Variants in WDR17 observed in about 807,000 individuals in gnomAD.
WDR17 encodes WD repeat domain 17.
A neutral mutation model predicts 161.7 loss-of-function variants in WDR17; 143 were observed. The observed-to-expected ratio is 0.88, with a 90% confidence interval of 0.77 to 1.02. The LOEUF (loss-of-function observed/expected upper bound fraction) is 1.02, where lower values mean the gene tolerates loss of function less well. Ranked by LOEUF, WDR17 falls within the 50% of genes least tolerant of loss-of-function variation. The probability of loss-of-function intolerance (pLI) is 0.00; values close to 1 mark genes in which losing one functional copy is unlikely to be tolerated. For missense variants in WDR17, 1,469 were observed against 1,520.9 expected (o/e 0.97, Z 0.57); for synonymous variants, 517 against 515.6 (o/e 1.00, Z -0.04).
chr4:176,152,518 A>G (rs1347630605), intron 17 of WDR17, among the ~76,000 whole-genome samples: 1 of 141,128 alleles, frequency 7.1e-6, no homozygotes, highest in African/African-American at 2.6e-5. Context: ...AGGCAGGGGA[A>G]TTGCCTGAAC....
intron 22 of WDR17, among the ~76,000 whole-genome samples, chr4:176,163,596 T>C (rs749938463): frequency 1.3e-5 from 2 of 152,166 alleles, no homozygotes; most frequent in African/African-American, 4.8e-5. Flanking sequence ...AGAACACATA[T>C]TCCCACATGT....
Position 176,131,546 on chromosome 4 carries a change from A to G in WDR17, c.914-8A>G, listed in dbSNP as rs758713034. On this transcript the variant is annotated splice_region_variant and splice_polypyrimidine_tract_variant and intron_variant, in intron 6 of 28. Coordinates refer to ENST00000508596, the MANE Select transcript of WDR17 (RefSeq NM_181265.4). ...ATTCCAATAGGATTTTTTTTCTTCTATTTTTAGTTTCAGTCCAATCTCCAA... is the reference window on the plus strand; with the variant it reads ...ATTCCAATAGGATTTTTTTTCTTCTGTTTTTAGTTTCAGTCCAATCTCCAA... 1.0e-5 allele frequency: 16 copies of G among 1,583,998 alleles called. No individual in the cohort carries two copies. Among genetic ancestry groups the G allele is most frequent in the East Asian group, 2.3e-5 (1 of 44,034 alleles).
chr4:176,075,700 G>A (rs1733872792), intron 1 of WDR17, among the ~76,000 whole-genome samples: 1 of 152,038 alleles, frequency 6.6e-6, no homozygotes, highest in South Asian at 2.1e-4. Flanking sequence ...ATGATACTTT[G>A]GCAAATTATA....
chr4:176,124,292 AT>A (rs36014302), intron 4 of WDR17, among the ~76,000 whole-genome samples: 16 of 151,860 alleles, frequency 1.1e-4, no homozygotes, highest in African/African-American at 1.7e-4. Context: ...TCTCAGCAGA[AT>A]TTTTTTTTCC....
intron 20 of WDR17, among the ~76,000 whole-genome samples, chr4:176,161,274 T>C (rs1458440449): frequency 6.6e-6 from 1 of 152,134 alleles, no homozygotes; most frequent in Admixed American, 6.5e-5. Context: ...ACCTAAACAC[T>C]TAGAAACTAA....
At chr4:176,134,038 A>G (rs1165917963) in intron 7 of WDR17, among the ~76,000 whole-genome samples, 2 of 151,766 alleles carry the variant, frequency 1.3e-5, no homozygotes, top group Non-Finnish European at 1.5e-5. Flanking sequence ...TATGTTCCTA[A>G]CATTGGAAAT....
intron 1 of WDR17, among the ~76,000 whole-genome samples, chr4:176,106,500 A>C (rs1413636084): frequency 6.6e-6 from 1 of 152,170 alleles, no homozygotes; most frequent in East Asian, 1.9e-4. Context: ...ACTTAATGTT[A>C]AGACCAATAT....
intron 1 of WDR17, among the ~76,000 whole-genome samples, chr4:176,071,252 G>T (rs1349717479): frequency 2.0e-5 from 3 of 151,186 alleles, no homozygotes; most frequent in Non-Finnish European, 4.4e-5. Context: ...TAGTGTTCTC[G>T]CAATGGAATA....
At chr4:176,073,140 C>T (rs920116700) in intron 1 of WDR17, among the ~76,000 whole-genome samples, 3 of 151,836 alleles carry the variant, frequency 2.0e-5, no homozygotes, top group Non-Finnish European at 4.4e-5. Context: ...TTTTAGGGTA[C>T]ATGTGCACAA....
At chr4:176,076,198 G>T (rs1157565331) in intron 1 of WDR17, among the ~76,000 whole-genome samples, 1 of 73,764 alleles carries the variant, frequency 1.4e-5, no homozygotes, top group Non-Finnish European at 3.1e-5. Context: ...ATAGTTAACT[G>T]TATGTTTACA....
chr4:176,139,773 C>A, intron 9 of WDR17, 119 bp from the exon 10 acceptor site: 1 of 728,978 alleles, frequency 1.4e-6, no homozygotes. Context: ...AGTAATGCCT[C>A]TGTTAGTGTC....
chr4:176,118,833 C>A (rs1031156172), intron 3 of WDR17, among the ~76,000 whole-genome samples: 2 of 151,406 alleles, frequency 1.3e-5, no homozygotes, highest in Admixed American at 6.6e-5. Context: ...TGGTGGCGGG[C>A]GCCTGTAGTC....
chr4:176,160,854 A>G, intron 19 of WDR17, 57 bp from the exon 20 acceptor site: 1 of 1,378,304 alleles, frequency 7.3e-7, no homozygotes, highest in Non-Finnish European at 9.9e-7. Context: ...ATATTCTGAA[A>G]TGTGTCAATT....
intron 1 of WDR17, among the ~76,000 whole-genome samples, chr4:176,103,153 C>G (rs2126666283): frequency 6.6e-6 from 1 of 152,026 alleles, no homozygotes; most frequent in East Asian, 1.9e-4. Flanking sequence ...TCCATTAAAG[C>G]CTATGCAATT....
chr4:176,082,432 A>G (rs150208865), intron 1 of WDR17, among the ~76,000 whole-genome samples: 120 of 152,220 alleles, frequency 7.9e-4, no homozygotes, highest in African/African-American at 2.7e-3. Flanking sequence ...TATGATTTGA[A>G]AATAGGCAAC....
intron 3 of WDR17, 123 bp from the exon 4 acceptor site, chr4:176,119,744 A>G: frequency 1.1e-6 from 1 of 879,036 alleles, no homozygotes; most frequent in Non-Finnish European, 1.7e-6. Flanking sequence ...CAATTCCCAA[A>G]TAAGAAAGTA....
At chr4:176,151,099 C>A (rs1335067474) in intron 16 of WDR17, among the ~76,000 whole-genome samples, 1 of 151,804 alleles carries the variant, frequency 6.6e-6, no homozygotes, top group Non-Finnish European at 1.5e-5. Context: ...ATCGTTAGAG[C>A]ATGGAGACAG....
At chr4:176,083,880 A>G (rs1735077173) in intron 1 of WDR17, among the ~76,000 whole-genome samples, 1 of 152,126 alleles carries the variant, frequency 6.6e-6, no homozygotes, top group South Asian at 2.1e-4. Flanking sequence ...GGGCAGCAGT[A>G]TCTCTTTGCA....
intron 22 of WDR17, among the ~76,000 whole-genome samples, chr4:176,167,209 A>G (rs1749898903): frequency 6.6e-6 from 1 of 152,196 alleles, no homozygotes; most frequent in African/African-American, 2.4e-5. Context: ...TGACTAATGT[A>G]GATTTTACTG....
Sources: gnomAD v4.1 joint callset for allele counts (sites outside exome capture counted in the v4.1 genomes callset) on GRCh38, gnomAD v4.1.1 for gene constraint, MANE v1.5 for transcripts, NCBI Gene and HGNC (gene_info 2026-07-23, HGNC 2026-07-21) for gene names.